The following ATP11A variants were observed in gnomAD, a reference collection of about 807,000 sequenced individuals.
ATP11A encodes ATPase phospholipid transporting 11A.
Under a neutral mutation model 154.4 loss-of-function variants are expected in ATP11A, and 81 were observed. That is an observed-to-expected ratio of 0.52 (90% CI 0.44 to 0.63). The LOEUF is 0.63. ATP11A is among the 30% of genes least tolerant of loss of function. The pLI is 0.00. For missense variants in ATP11A, 1,316 were observed against 1,474.3 expected (o/e 0.89, Z 1.76); for synonymous variants, 623 against 585.9 (o/e 1.06, Z -0.91).
intron 25 of ATP11A, among the ~76,000 whole-genome samples, chr13:112,863,318 C>G (rs1195922156): frequency 2.4e-4 from 33 of 137,970 alleles, no homozygotes; most frequent in African/African-American, 8.6e-4. Flanking sequence ...TTCAGTGCAG[C>G]CCATGCAGCT....
chr13:112,814,043 A>AT (rs111418971), intron 5 of ATP11A, among the ~76,000 whole-genome samples: 1,996 of 148,914 alleles, frequency 0.013, 34 homozygotes, highest in African/African-American at 0.046. Context: ...CAATTTCTTG[A>AT]TTTTTTTTTT....
At chr13:112,862,881 T>C (rs1366063710) in intron 25 of ATP11A, among the ~76,000 whole-genome samples, 30 of 145,084 alleles carry the variant, frequency 2.1e-4, no homozygotes, top group Admixed American at 5.4e-4. Context: ...AGTAATTCAG[T>C]GCAGCCCATG....
chr13:112,749,545 G>A (rs115346314), intron 1 of ATP11A, among the ~76,000 whole-genome samples: 1 of 152,362 alleles, frequency 6.6e-6, no homozygotes, highest in African/African-American at 2.4e-5. Context: ...GAAAAGAAGA[G>A]AAGACACAGA....
chr13:112,871,986 A>C (rs1168981869), intron 26 of ATP11A, among the ~76,000 whole-genome samples, 186 bp downstream of exon 26: 1 of 152,188 alleles, frequency 6.6e-6, no homozygotes, highest in East Asian at 1.9e-4. Context: ...CAAGTAATGC[A>C]CAGCCACTCA....
chr13:112,773,259 G>A (rs2077269015), intron 1 of ATP11A, among the ~76,000 whole-genome samples: 1 of 152,196 alleles, frequency 6.6e-6, no homozygotes, highest in African/African-American at 2.4e-5. Context: ...CAGAATGCAG[G>A]CTGTAAACCG....
chr13:112,812,785 T>C (rs2078537626), intron 5 of ATP11A, among the ~76,000 whole-genome samples: 1 of 152,234 alleles, frequency 6.6e-6, no homozygotes, highest in East Asian at 1.9e-4. Flanking sequence ...TGAGTTCAGA[T>C]GAGTGATGTT....
intron 1 of ATP11A, among the ~76,000 whole-genome samples, chr13:112,731,641 A>G (rs1446644361): frequency 1.3e-5 from 2 of 152,204 alleles, no homozygotes; most frequent in African/African-American, 2.4e-5. Flanking sequence ...GCTGTCCCCA[A>G]GGAAGGTGCG....
Position 112,875,740 on chromosome 13 carries a change from A to G in ATP11A, c.3162-36A>G, listed in dbSNP as rs368865771. ...TAGAGAGGCCAGCCCCAGGGAGTAC[A>G]TGCCTCACCAGCGGCTTCTCTTCCC... On this transcript the variant is annotated intron_variant, in intron 27 of 29. Transcript: ENST00000375645. This position sits in a 1 kb window ranked among gnomAD's most constrained non-coding sequence, Gnocchi z 4.1. The G allele has an allele frequency of 1.4e-5, 23 of 1,603,994 alleles. No homozygotes were observed. The highest frequency in any genetic ancestry group is 1.8e-5 in the Non-Finnish European group (21 of 1,173,302).
intron 1 of ATP11A, among the ~76,000 whole-genome samples, chr13:112,726,072 G>A (rs1047273606): frequency 6.6e-6 from 1 of 152,276 alleles, no homozygotes; most frequent in African/African-American, 2.4e-5. Context: ...GTCACAATCG[G>A]TCCTTGAAAA....
chr13:112,865,082 T>C (rs1401543770), intron 25 of ATP11A, among the ~76,000 whole-genome samples: 3 of 121,958 alleles, frequency 2.5e-5, no homozygotes, highest in Non-Finnish European at 5.2e-5. Flanking sequence ...CATCACCACA[T>C]GGGCAGTAAT....
intron 5 of ATP11A, among the ~76,000 whole-genome samples, chr13:112,814,062 T>A (rs534309389): frequency 3.3e-5 from 5 of 152,272 alleles, no homozygotes; most frequent in South Asian, 2.1e-4. Flanking sequence ...TTCTTTTTTT[T>A]AAAATTATTA....
intron 17 of ATP11A, among the ~76,000 whole-genome samples, chr13:112,848,530 G>A (rs1156933724): frequency 6.6e-6 from 1 of 152,098 alleles, no homozygotes; most frequent in African/African-American, 2.4e-5. Flanking sequence ...TTTCTAATGT[G>A]GAAACTTTCT....
chr13:112,690,762 C>G lies in ATP11A; in HGVS notation c.39+307C>G, dbSNP rs1359019964. Among the ~76,000 whole-genome samples the G allele has an allele frequency of 6.6e-6, 1 of 152,082 alleles. No individual in the cohort carries two copies. The highest frequency in any genetic ancestry group is 2.4e-5 in the African/African-American group (1 of 41,422). ...GCGCCCTGGGGGTCCCTCGGAGAGG[C>G]TGGCTGGGGTTCGAGCTGTCCCGGC... On this transcript the variant is annotated intron_variant, in intron 1 of 29. Coordinates refer to ENST00000375645, the MANE Select transcript of ATP11A (RefSeq NM_015205.3). This position sits in a 1 kb window ranked among gnomAD's most constrained non-coding sequence, Gnocchi z 5.6.
chr13:112,862,583 C>T lies in ATP11A; in HGVS notation c.2991+8C>T, dbSNP rs529008747. ...GTGACAAGCAACGGGCAGGTCAGTA[C>T]AGAGCTCGATTGCGCTGACTTAGCT... On this transcript the variant is annotated splice_region_variant and intron_variant, in intron 25 of 29. Transcript: ENST00000375645. The T allele has an allele frequency of 1.5e-5, 25 of 1,614,120 alleles. 1 individual carries two copies. In the South Asian group the frequency reaches 2.6e-4, roughly 17 times the overall value.
In ATP11A at chr13:112,697,314, C is replaced by T. The variant is rs1300333585; in HGVS notation, c.39+6859C>T. On this transcript the variant is annotated intron_variant, in intron 1 of 29. Coordinates refer to ENST00000375645, the MANE Select transcript of ATP11A (RefSeq NM_015205.3). The surrounding 1 kb of genome is among the most constrained non-coding windows in gnomAD (Gnocchi z 4.0). ...CACTGCCTGCTACACGCCACCCAGC[C>T]GTGTTCATTTCCGTGTTCCAGTGTC... Among the ~76,000 whole-genome samples the T allele has an allele frequency of 2.0e-5, 3 of 152,160 alleles. No homozygotes were observed. The highest frequency in any genetic ancestry group is 1.9e-4 in the East Asian group (1 of 5,178).
intron 17 of ATP11A, among the ~76,000 whole-genome samples, chr13:112,845,586 G>A (rs569418283): frequency 2.7e-4 from 33 of 120,118 alleles, no homozygotes; most frequent in Non-Finnish European, 2.5e-4. Flanking sequence ...GGCACTAGTG[G>A]TTCTAACCAG....
chr13:112,863,823 G>A (rs1156938513), intron 25 of ATP11A, among the ~76,000 whole-genome samples: 2 of 82,384 alleles, frequency 2.4e-5, no homozygotes, highest in Admixed American at 1.5e-4. Context: ...GCTTCTCAGC[G>A]GGGTCCATCA....
chr13:112,871,902 G>T (rs1482088787), intron 26 of ATP11A, 102 bp downstream of exon 26: 1 of 1,271,278 alleles, frequency 7.9e-7, no homozygotes, highest in Non-Finnish European at 1.1e-6. Context: ...CTGTACTGAG[G>T]CTGGAAGCCA....
chr13:112,831,948 T>G (rs1251499282), intron 13 of ATP11A, among the ~76,000 whole-genome samples: 2 of 110,972 alleles, frequency 1.8e-5, no homozygotes, highest in Non-Finnish European at 3.5e-5. Context: ...CATGCACACA[T>G]GCAGACACAC....
Sources: allele counts gnomAD v4.1 joint callset (sites outside exome capture counted in the v4.1 genomes callset), GRCh38; gene constraint gnomAD v4.1.1; non-coding constraint Gnocchi (gnomAD v3.1); transcripts MANE v1.5; gene names NCBI Gene and HGNC (gene_info 2026-07-23, HGNC 2026-07-21).